The following CCDC171 variants were observed in gnomAD, a reference collection of about 807,000 sequenced individuals.
CCDC171 encodes coiled-coil domain containing 171, also known as coiled-coil domain-containing protein 171.
Under a neutral mutation model 168.2 loss-of-function variants are expected in CCDC171, and 177 were observed. The ratio of observed to expected loss-of-function variants is 1.05; its 90% CI spans 0.93 to 1.19. The LOEUF (loss-of-function observed/expected upper bound fraction) is 1.19, where lower values mean the gene tolerates loss of function less well. Ranked by LOEUF, CCDC171 falls within the 50% of genes most tolerant of loss-of-function variation. The probability of loss-of-function intolerance (pLI) is 0.00; values close to 1 mark genes in which losing one functional copy is unlikely to be tolerated. For synonymous variants in CCDC171, 687 were observed against 540.8 expected (o/e 1.27, Z -3.75); for missense variants, 1,991 against 1,539.0 (o/e 1.29, Z -4.91).
chr9:16,083,721 A>C, the CCDC171 span, among the ~76,000 whole-genome samples: 1 of 152,154 alleles, frequency 6.6e-6, no homozygotes, highest in Non-Finnish European at 1.5e-5. Context: ...CAGGTGTTGA[A>C]AGGCCCTTCC....
At chr9:15,780,861 A>AT (rs59791994) in intron 20 of CCDC171, among the ~76,000 whole-genome samples, 1 of 151,800 alleles carries the variant, frequency 6.6e-6, no homozygotes, top group Non-Finnish European at 1.5e-5. Flanking sequence ...TAGATATGTG[A>AT]TTTTTTTCCA....
chr9:16,038,055 A>AT (rs946424368), upstream of CCDC171, among the ~76,000 whole-genome samples: 2 of 152,156 alleles, frequency 1.3e-5, no homozygotes, highest in African/African-American at 4.8e-5. Flanking sequence ...AGCAATGAAG[A>AT]TTTTTTTTGT....
At chr9:15,899,934 C>T (rs1402975764) in intron 24 of CCDC171, among the ~76,000 whole-genome samples, 2 of 151,930 alleles carry the variant, frequency 1.3e-5, no homozygotes, top group Admixed American at 6.6e-5. Flanking sequence ...TTACCAAGCT[C>T]GAGATCCCAA....
chr9:15,601,077 G>T (rs531412503), intron 6 of CCDC171, among the ~76,000 whole-genome samples: 1 of 152,310 alleles, frequency 6.6e-6, no homozygotes, highest in Admixed American at 6.5e-5. Context: ...GACCCCTTGT[G>T]CCTCCTGGGG....
rs10962130 is a variant in CCDC171, at chr9:15,741,029, C to T, written c.2050-3244C>T. ...CAAATTGATTCCTAAATTATTATATCTTTTTTATTATGGAATTCTAAATGG... is the reference window on the plus strand; with the variant it reads ...CAAATTGATTCCTAAATTATTATATTTTTTTTATTATGGAATTCTAAATGG... On this transcript the variant is annotated intron_variant, in intron 16 of 25. Transcript: ENST00000380701. Among the ~76,000 whole-genome samples, 43 of 152,076 alleles carry T rather than the reference C, an allele frequency of 2.8e-4. No homozygotes were observed. The East Asian group carries it at 7.5e-3, about 27-fold the overall frequency.
At chr9:16,100,741 G>A in the CCDC171 span, among the ~76,000 whole-genome samples, 1 of 152,174 alleles carries the variant, frequency 6.6e-6, no homozygotes, top group Admixed American at 6.5e-5. Flanking sequence ...TCGCTCCCAA[G>A]GAAAACTCTT....
At chr9:15,748,762 C>T (rs1003513616) in intron 18 of CCDC171, among the ~76,000 whole-genome samples, 1 of 152,238 alleles carries the variant, frequency 6.6e-6, no homozygotes, top group East Asian at 1.9e-4. Flanking sequence ...CCTTTACAGA[C>T]AAGCAAATGC....
chr9:16,016,397 A>G (rs367975468), intron 3 of CCDC171, among the ~76,000 whole-genome samples: 136 of 152,290 alleles, frequency 8.9e-4, no homozygotes, highest in African/African-American at 3.0e-3. Flanking sequence ...GCTCAGAGGC[A>G]GGTGCCCAAT....
At chr9:15,740,494 G>C (rs187693113) in intron 16 of CCDC171, among the ~76,000 whole-genome samples, 2 of 152,144 alleles carry the variant, frequency 1.3e-5, no homozygotes, top group Admixed American at 1.3e-4. Context: ...GAGTGCAGTG[G>C]TGTGATCTTG....
At chr9:15,607,294 C>T (rs920963438) in intron 6 of CCDC171, among the ~76,000 whole-genome samples, 1 of 152,112 alleles carries the variant, frequency 6.6e-6, no homozygotes, top group African/African-American at 2.4e-5. Context: ...TGAGTCACTT[C>T]CCCATCCTGC....
At chr9:15,618,992 C>T (rs2044306661) in intron 6 of CCDC171, among the ~76,000 whole-genome samples, 1 of 152,090 alleles carries the variant, frequency 6.6e-6, no homozygotes, top group African/African-American at 2.4e-5. Flanking sequence ...GTGGTCTTTA[C>T]GTTACTGCTA....
At chr9:15,994,329 T>C (rs1832302039) in intron 3 of CCDC171, among the ~76,000 whole-genome samples, 1 of 152,022 alleles carries the variant, frequency 6.6e-6, no homozygotes, top group Non-Finnish European at 1.5e-5. Flanking sequence ...AGCAAACTAT[T>C]GCAAGGACAA....
intron 23 of CCDC171, among the ~76,000 whole-genome samples, chr9:15,872,807 C>T (rs750515110): frequency 4.0e-5 from 6 of 151,736 alleles, no homozygotes; most frequent in Admixed American, 3.3e-4. Context: ...AACCTTAATC[C>T]ACATTAATGT....
At chr9:15,880,009 T>C (rs1314720514) in intron 24 of CCDC171, among the ~76,000 whole-genome samples, 1 of 152,176 alleles carries the variant, frequency 6.6e-6, no homozygotes, top group East Asian at 1.9e-4. Context: ...AGAAAGTTTT[T>C]TCCTCTTTTT....
chr9:15,791,107 G>A (rs201359606), intron 21 of CCDC171, among the ~76,000 whole-genome samples: 38 of 152,164 alleles, frequency 2.5e-4, no homozygotes, highest in East Asian at 1.5e-3. Context: ...TATGAACTTT[G>A]AAGTAGTTTT....
intron 7 of CCDC171, among the ~76,000 whole-genome samples, chr9:15,652,826 G>A (rs138399812): frequency 5.1e-4 from 77 of 152,238 alleles, no homozygotes; most frequent in African/African-American, 1.8e-3. Flanking sequence ...TCATGTTAAC[G>A]TTTTGATAAG....
At chr9:16,106,928 C>G in the CCDC171 span, among the ~76,000 whole-genome samples, 1 of 152,152 alleles carries the variant, frequency 6.6e-6, no homozygotes, top group Admixed American at 6.5e-5. Context: ...CCTCACTGCC[C>G]TCCTGCAAAA....
chr9:15,627,130 G>T (rs1020051314), intron 7 of CCDC171, among the ~76,000 whole-genome samples: 3 of 152,130 alleles, frequency 2.0e-5, no homozygotes, highest in African/African-American at 7.2e-5. Flanking sequence ...TTCTCTGATG[G>T]TAGTTTGTAT....
intron 3 of CCDC171, among the ~76,000 whole-genome samples, chr9:16,016,149 A>G (rs1833008503): frequency 2.0e-5 from 3 of 152,130 alleles, no homozygotes; most frequent in Admixed American, 6.5e-5. Context: ...GCTGGATCAT[A>G]TGGTAGTTCT....
Sources: gnomAD v4.1 joint callset for allele counts (sites outside exome capture counted in the v4.1 genomes callset) on GRCh38, gnomAD v4.1.1 for gene constraint, MANE v1.5 for transcripts, NCBI Gene and HGNC (gene_info 2026-07-23, HGNC 2026-07-21) for gene names.